SOX5: variants seen among roughly 807,000 people sequenced by gnomAD.
SOX5 encodes transcription factor SOX-5.
In SOX5, 9 loss-of-function variants were observed where a neutral mutation model predicts 92.0. The ratio of observed to expected loss-of-function variants is 0.10; its 90% confidence interval spans 0.06 to 0.17. The LOEUF (loss-of-function observed/expected upper bound fraction) is 0.17. Among genes scored for constraint, SOX5 ranks in the 10% least tolerant of loss-of-function variants. The pLI, the probability that SOX5 is intolerant of heterozygous loss-of-function variation, is 1.00. For missense variants in SOX5, 642 were observed against 944.5 expected (o/e 0.68, Z 4.20); for synonymous variants, 344 against 336.3 (o/e 1.02, Z -0.25).
chr12:23,901,000 C>T (rs1429475095), intron 1 of SOX5, among the ~76,000 whole-genome samples: 3 of 152,072 alleles, frequency 2.0e-5, no homozygotes, highest in African/African-American at 7.2e-5. Flanking sequence ...GAGAATAATG[C>T]TCCCCAAACC....
At chr12:24,332,211 T>G (rs1443281032) in intron 2 of SOX5, among the ~76,000 whole-genome samples, 4 of 152,078 alleles carry the variant, frequency 2.6e-5, no homozygotes, top group Non-Finnish European at 5.9e-5. Flanking sequence ...TCCATAACAC[T>G]TATAAAGAGG....
At chr12:24,407,143 C>A (rs1279106677) in intron 1 of SOX5, among the ~76,000 whole-genome samples, 2 of 152,054 alleles carry the variant, frequency 1.3e-5, no homozygotes, top group African/African-American at 2.4e-5. Flanking sequence ...TCTGGGCCTG[C>A]AGCAGTGATA....
intron 4 of SOX5, among the ~76,000 whole-genome samples, chr12:24,163,768 C>G (rs544536704): frequency 6.6e-6 from 1 of 152,080 alleles, no homozygotes; most frequent in African/African-American, 2.4e-5. Flanking sequence ...TTGTTCAGTG[C>G]TTTTATCTGC....
At chr12:23,784,877 G>C (rs897315031) in intron 3 of SOX5, among the ~76,000 whole-genome samples, 1 of 152,086 alleles carries the variant, frequency 6.6e-6, no homozygotes, top group African/African-American at 2.4e-5. Flanking sequence ...GGGAGTTCAA[G>C]GTCAGCCTGG....
At chr12:24,141,831 A>T (rs77698285) in intron 4 of SOX5, among the ~76,000 whole-genome samples, 9,002 of 152,186 alleles carry the variant, frequency 0.059, 729 homozygotes, top group African/African-American at 0.18. Context: ...AAGTTGGCAT[A>T]GTTTTTAAGG....
chr12:23,689,543 A>C (rs2088344453), intron 6 of SOX5, among the ~76,000 whole-genome samples: 1 of 152,226 alleles, frequency 6.6e-6, no homozygotes, highest in Admixed American at 6.5e-5. Context: ...TGGAGTTCTG[A>C]TCACCTCTTC....
intron 8 of SOX5, among the ~76,000 whole-genome samples, chr12:23,640,398 G>A (rs1166252954): frequency 1.3e-5 from 2 of 152,192 alleles, no homozygotes; most frequent in African/African-American, 4.8e-5. Flanking sequence ...GAGACCTACA[G>A]ACCATTTCAA....
At chr12:24,064,068 G>C (rs566946649) in intron 4 of SOX5, among the ~76,000 whole-genome samples, 1 of 152,290 alleles carries the variant, frequency 6.6e-6, no homozygotes, top group Admixed American at 6.5e-5. Flanking sequence ...CTACCATCTT[G>C]TAGTTCTTAT....
intron 2 of SOX5, among the ~76,000 whole-genome samples, chr12:24,293,451 A>G (rs1420076973): frequency 2.0e-5 from 3 of 152,170 alleles, no homozygotes; most frequent in Non-Finnish European, 2.9e-5. Context: ...CTGTCCCCCT[A>G]TTACAACAAT....
chr12:24,399,489 G>A (rs1006514448), intron 1 of SOX5, among the ~76,000 whole-genome samples: 1 of 152,148 alleles, frequency 6.6e-6, no homozygotes, highest in African/African-American at 2.4e-5. Context: ...AGTATTTAGA[G>A]CAAATTCTGT....
intron 4 of SOX5, among the ~76,000 whole-genome samples, chr12:23,970,806 T>C (rs1295200023): frequency 2.3e-5 from 2 of 86,014 alleles, no homozygotes; most frequent in Non-Finnish European, 4.7e-5. Flanking sequence ...AAGAGTGGAA[T>C]TGCTAGGTCA....
chr12:23,588,720 TGCACAC>T (rs1399254208), intron 9 of SOX5, among the ~76,000 whole-genome samples: 2 of 37,232 alleles, frequency 5.4e-5, no homozygotes, highest in African/African-American at 9.5e-5. Flanking sequence ...TATGGGATAG[TGCACAC>T]ACACACACAC....
intron 9 of SOX5, among the ~76,000 whole-genome samples, chr12:23,586,454 CA>C (rs1346997538): frequency 2.0e-5 from 3 of 151,910 alleles, no homozygotes; most frequent in African/African-American, 7.3e-5. Context: ...TAATCTAAAA[CA>C]ATGTCATGAA....
chr12:24,014,673 G>A (rs1429196108), intron 4 of SOX5, among the ~76,000 whole-genome samples: 4 of 152,152 alleles, frequency 2.6e-5, no homozygotes, highest in African/African-American at 9.7e-5. Flanking sequence ...AAAATGGTAG[G>A]TTTTGGGAAA....
intron 6 of SOX5, among the ~76,000 whole-genome samples, chr12:23,674,673 A>G (rs1055122558): frequency 2.0e-5 from 3 of 152,040 alleles, no homozygotes; most frequent in Admixed American, 6.6e-5. Context: ...AAATTCTATT[A>G]TGTCTTAAGA....
At chr12:24,341,682 A>G (rs1452482880) in intron 2 of SOX5, among the ~76,000 whole-genome samples, 1 of 152,250 alleles carries the variant, frequency 6.6e-6, no homozygotes, top group Non-Finnish European at 1.5e-5. Flanking sequence ...GCTTCATATC[A>G]GAATTCTCTA....
intron 1 of SOX5, among the ~76,000 whole-genome samples, chr12:24,379,787 C>A (rs944033514): frequency 1.3e-5 from 2 of 151,442 alleles, no homozygotes; most frequent in East Asian, 3.9e-4. Flanking sequence ...CCAACAAATT[C>A]CAGGCTTATT....
At chr12:24,321,043 T>C (rs1045854171) in intron 2 of SOX5, among the ~76,000 whole-genome samples, 6 of 152,132 alleles carry the variant, frequency 3.9e-5, no homozygotes, top group African/African-American at 1.4e-4. Flanking sequence ...CTGTCAGTGT[T>C]GTGCTAAGGC....
intron 4 of SOX5, among the ~76,000 whole-genome samples, chr12:24,202,965 CATT>C (rs1358840925): frequency 1.3e-5 from 2 of 152,082 alleles, no homozygotes; most frequent in Non-Finnish European, 2.9e-5. Flanking sequence ...TCCTATTTAT[CATT>C]ATATTTTCAC....
Sources: allele counts gnomAD v4.1 joint callset (sites outside exome capture counted in the v4.1 genomes callset), GRCh38; gene constraint gnomAD v4.1.1; transcripts MANE v1.5; gene names NCBI Gene and HGNC (gene_info 2026-07-23, HGNC 2026-07-21).